The following SEMA6D variants were observed in gnomAD, a reference collection of about 807,000 sequenced individuals.
The protein encoded by SEMA6D is semaphorin-6D.
A neutral mutation model predicts 106.6 loss-of-function variants in SEMA6D; 35 were observed. The observed-to-expected ratio is 0.33, with a 90% CI of 0.25 to 0.44. The LOEUF is 0.44. Ranked by LOEUF, SEMA6D falls within the 20% of genes least tolerant of loss-of-function variation. The pLI is 1.00. For missense variants in SEMA6D, 1,185 were observed against 1,345.9 expected, an observed-to-expected ratio of 0.88 and a Z score of 1.87; for synonymous variants, 499 against 487.7, an observed-to-expected ratio of 1.02 and a Z score of -0.31.
intron 1 of SEMA6D, among the ~76,000 whole-genome samples, chr15:47,233,066 T>C (rs2141606553): frequency 6.6e-6 from 1 of 152,184 alleles, no homozygotes; most frequent in Non-Finnish European, 1.5e-5. Context: ...AGAATTTTAT[T>C]ATGCTCTCAG....
At chr15:47,623,980 C>T (rs1396301561) in intron 4 of SEMA6D, among the ~76,000 whole-genome samples, 11 of 152,178 alleles carry the variant, frequency 7.2e-5, no homozygotes, top group African/African-American at 2.7e-4. Context: ...AGTCTAGGCT[C>T]CTGACCCTGG....
At chr15:47,574,881 T>A (rs2076129881) in intron 3 of SEMA6D, among the ~76,000 whole-genome samples, 1 of 152,202 alleles carries the variant, frequency 6.6e-6, no homozygotes, top group Non-Finnish European at 1.5e-5. Context: ...AGTTTTTGTT[T>A]GGTCTTATTT....
At chr15:47,658,121 TA>T in intron 4 of SEMA6D, among the ~76,000 whole-genome samples, 1 of 152,348 alleles carries the variant, frequency 6.6e-6, no homozygotes, top group African/African-American at 2.4e-5. Context: ...TGGTTTGAGA[TA>T]TTTTTATGAT....
chr15:47,251,529 A>G (rs1012368263), intron 1 of SEMA6D, among the ~76,000 whole-genome samples: 5 of 152,152 alleles, frequency 3.3e-5, no homozygotes, highest in African/African-American at 1.2e-4. Flanking sequence ...TAAATCATGT[A>G]TAAGGGACTC....
intron 1 of SEMA6D, among the ~76,000 whole-genome samples, chr15:47,233,487 A>G (rs1399469484): frequency 6.6e-6 from 1 of 152,040 alleles, no homozygotes; most frequent in Non-Finnish European, 1.5e-5. Context: ...TTAGCATTTC[A>G]GTAACGATTG....
intron 4 of SEMA6D, among the ~76,000 whole-genome samples, chr15:47,632,673 G>T (rs1386703675): frequency 6.6e-6 from 1 of 151,924 alleles, no homozygotes; most frequent in African/African-American, 2.4e-5. Context: ...TGAGTTTGAA[G>T]TGAGTTTCTT....
intron 1 of SEMA6D, among the ~76,000 whole-genome samples, chr15:47,282,130 T>C (rs1318028837): frequency 6.6e-6 from 1 of 152,168 alleles, no homozygotes; most frequent in Non-Finnish European, 1.5e-5. Flanking sequence ...TGCATATACA[T>C]GTATAGGTAC....
chr15:47,663,072 T>A (rs891134453), intron 4 of SEMA6D, among the ~76,000 whole-genome samples: 2 of 152,190 alleles, frequency 1.3e-5, no homozygotes, highest in Admixed American at 6.5e-5. Flanking sequence ...GTACTCGTAA[T>A]TAAATTTCAA....
intron 1 of SEMA6D, among the ~76,000 whole-genome samples, chr15:47,218,982 A>G (rs914238278): frequency 5.9e-5 from 9 of 152,300 alleles, no homozygotes; most frequent in East Asian, 1.9e-4. Context: ...TTCTACTCCA[A>G]TGACTTCTAT....
intron 2 of SEMA6D, among the ~76,000 whole-genome samples, chr15:47,421,032 A>G (rs941423851): frequency 2.0e-5 from 3 of 152,124 alleles, no homozygotes; most frequent in African/African-American, 7.2e-5. Flanking sequence ...TTAAAGTCTA[A>G]TATGTTTGGA....
At chr15:47,650,817 C>T (rs1000499449) in intron 4 of SEMA6D, among the ~76,000 whole-genome samples, 7 of 152,172 alleles carry the variant, frequency 4.6e-5, no homozygotes, top group African/African-American at 1.7e-4. Context: ...TCAATTCATA[C>T]TACCCCACTG....
At chr15:47,766,288 T>C in intron 15 of SEMA6D, 106 bp downstream of exon 15, 1 of 980,578 alleles carries the variant, frequency 1.0e-6, no homozygotes, top group East Asian at 2.6e-5. Flanking sequence ...TTTTTTTTTG[T>C]TGTTATGGGA....
chr15:47,662,941 T>G (rs1315930962), intron 4 of SEMA6D, among the ~76,000 whole-genome samples: 1 of 152,024 alleles, frequency 6.6e-6, no homozygotes, highest in Admixed American at 6.6e-5. Context: ...CAAGGATGTG[T>G]ATTTTGGGCA....
intron 2 of SEMA6D, among the ~76,000 whole-genome samples, chr15:47,412,688 G>T (rs1270124507): frequency 6.6e-6 from 1 of 152,144 alleles, no homozygotes. Context: ...CTAATAATTA[G>T]ATTTTTTAAG....
At chr15:47,261,529 T>G (rs779179153) in intron 1 of SEMA6D, among the ~76,000 whole-genome samples, 1 of 152,194 alleles carries the variant, frequency 6.6e-6, no homozygotes, top group African/African-American at 2.4e-5. Flanking sequence ...TTCGTTGATA[T>G]ATACATCACC....
chr15:47,666,931 G>A (rs986674444), intron 4 of SEMA6D, among the ~76,000 whole-genome samples: 1 of 152,132 alleles, frequency 6.6e-6, no homozygotes, highest in African/African-American at 2.4e-5. Context: ...CTGGGAGAGT[G>A]CCCAAGCCAC....
chr15:47,562,341 T>C (rs2046105248), intron 3 of SEMA6D, among the ~76,000 whole-genome samples: 1 of 152,072 alleles, frequency 6.6e-6, no homozygotes, highest in Non-Finnish European at 1.5e-5. Context: ...ACTTAGACTA[T>C]AAAAATTCTA....
At chr15:47,683,986 T>C (rs985429087) in intron 4 of SEMA6D, among the ~76,000 whole-genome samples, 2 of 152,214 alleles carry the variant, frequency 1.3e-5, no homozygotes, top group Non-Finnish European at 2.9e-5. Flanking sequence ...CAGGATTCTT[T>C]AAAGGATGGA....
intron 1 of SEMA6D, among the ~76,000 whole-genome samples, chr15:47,747,611 C>G (rs901958436): frequency 5.3e-5 from 8 of 152,130 alleles, no homozygotes; most frequent in African/African-American, 1.9e-4. Context: ...AAGAGCAAGG[C>G]ATTAATAAGG....
Sources: gnomAD v4.1 joint callset for allele counts (sites outside exome capture counted in the v4.1 genomes callset) on GRCh38, gnomAD v4.1.1 for gene constraint, MANE v1.5 for transcripts, NCBI Gene and HGNC (gene_info 2026-07-23, HGNC 2026-07-21) for gene names.